The following WAPL variants were observed in gnomAD, a reference collection of about 807,000 sequenced individuals.
WAPL encodes WAPL cohesin release factor, also known as wings apart-like protein homolog.
WAPL carries 5 observed loss-of-function variants against 121.0 expected under a neutral mutation model. The ratio of observed to expected loss-of-function variants is 0.04; its 90% CI spans 0.02 to 0.09. WAPL has a LOEUF of 0.09. WAPL is among the 10% of genes least tolerant of loss of function. The pLI, the probability that WAPL is intolerant of heterozygous loss-of-function variation, is 1.00. For missense variants in WAPL, 999 were observed against 1,410.8 expected (o/e 0.71, Z 4.68); for synonymous variants, 480 against 481.5 (o/e 1.00, Z 0.04).
In WAPL at chr10:86,517,610, C is replaced by T. The variant is rs1414253100; in HGVS notation, c.460G>A (p.Asp154Asn). 1.2e-6 allele frequency: 2 copies of T among 1,613,212 alleles called. No homozygotes were observed. Among genetic ancestry groups the T allele is most frequent in the Non-Finnish European group, 1.7e-6 (2 of 1,179,572 alleles). Reference sequence around the variant, plus strand: ...TTATTACAGCTACTTATGCTTGCATCATCTTCTACAATTCGGTTTGTGCTC... The same window carrying T: ...TTATTACAGCTACTTATGCTTGCATTATCTTCTACAATTCGGTTTGTGCTC... ...EKSTNRIVED[D>N]ASISSCNKLI... is the part of the protein sequence containing the mutation. The change falls in exon 2 of 19, where the codon GAT (aspartate) becomes AAT (asparagine). Residue 154 changes from aspartate (D) to asparagine (N), a missense_variant. Asp to Asn is a conservative substitution (Grantham distance 23, BLOSUM62 1). Transcript: ENST00000298767.
chr10:86,491,136 C>CTT (rs34863367), intron 4 of WAPL, among the ~76,000 whole-genome samples: 5 of 102,776 alleles, frequency 4.9e-5, no homozygotes, highest in South Asian at 3.6e-4. Context: ...ACTCATGGTT[C>CTT]TTTTTTTTTT....
At chr10:86,476,709 C>G (rs1359746916) in intron 4 of WAPL, among the ~76,000 whole-genome samples, 1 of 148,538 alleles carries the variant, frequency 6.7e-6, no homozygotes, top group African/African-American at 2.5e-5. Context: ...AAAAAAAGTG[C>G]TTTGTAAGTA....
At chr10:86,446,090 G>C in intron 16 of WAPL, 152 bp downstream of exon 16, 1 of 786,006 alleles carries the variant, frequency 1.3e-6, no homozygotes, top group Non-Finnish European at 2.0e-6. Context: ...ACTACCACAA[G>C]CACTTAAGTA....
At chr10:86,451,291 T>C (rs1840970933) in intron 15 of WAPL, among the ~76,000 whole-genome samples, 1 of 152,116 alleles carries the variant, frequency 6.6e-6, no homozygotes, top group South Asian at 2.1e-4. Flanking sequence ...GTAACAATGC[T>C]TAAGGAGTGA....
In WAPL at chr10:86,500,647, G is replaced by A. The variant is rs767076043; in HGVS notation, c.596C>T (p.Thr199Ile). ...DSTKKPNAET[T>I]VASEIKETND... ...TGTTTCCTTGATTTCAGAAGCCACTGTAGTTTCTGCATTGGGTTTCTTAGT... is the reference window on the plus strand; with the variant it reads ...TGTTTCCTTGATTTCAGAAGCCACTATAGTTTCTGCATTGGGTTTCTTAGT... Residue 199 changes from threonine (T) to isoleucine (I), a missense_variant, in exon 3 of 19, where the codon ACA (threonine) becomes ATA (isoleucine). Transcript: ENST00000298767. The A allele has an allele frequency of 6.2e-7, 1 of 1,613,926 alleles. No homozygotes were observed. The highest frequency in any genetic ancestry group is 8.5e-7 in the Non-Finnish European group (1 of 1,179,990).
At chr10:86,493,569 G>A (rs1464945391) in intron 4 of WAPL, among the ~76,000 whole-genome samples, 5 of 152,026 alleles carry the variant, frequency 3.3e-5, no homozygotes, top group Admixed American at 3.3e-4. Context: ...TCACTCTGTT[G>A]TCCAGGCTCC....
chr10:86,508,644 T>C (rs906420699), intron 2 of WAPL, among the ~76,000 whole-genome samples: 2 of 152,174 alleles, frequency 1.3e-5, no homozygotes, highest in African/African-American at 4.8e-5. Context: ...TACTTTTACA[T>C]TGGCTTCTAT....
chr10:86,502,647 T>C (rs1842268310), intron 2 of WAPL, among the ~76,000 whole-genome samples: 2 of 152,182 alleles, frequency 1.3e-5, no homozygotes, highest in African/African-American at 2.4e-5. Flanking sequence ...TACTAGTCTA[T>C]ACACACAAAT....
intron 2 of WAPL, among the ~76,000 whole-genome samples, chr10:86,513,166 T>C (rs568434069): frequency 1.3e-5 from 2 of 152,158 alleles, no homozygotes; most frequent in South Asian, 2.1e-4. Flanking sequence ...CGCTAATTTT[T>C]TTGTATTTTT....
chr10:86,484,695 A>T (rs78298500), intron 4 of WAPL, among the ~76,000 whole-genome samples: 1 of 152,204 alleles, frequency 6.6e-6, no homozygotes, highest in African/African-American at 2.4e-5. Flanking sequence ...TAAGTGTCCT[A>T]TATAGGTGTA....
chr10:86,445,098 G>A (rs1050357888), intron 16 of WAPL, among the ~76,000 whole-genome samples: 3 of 152,000 alleles, frequency 2.0e-5, no homozygotes, highest in African/African-American at 7.3e-5. Flanking sequence ...GCATCCAAGG[G>A]GTATTGGTTC....
At chr10:86,448,349 G>T (rs542536561) in intron 15 of WAPL, among the ~76,000 whole-genome samples, 100 of 152,242 alleles carry the variant, frequency 6.6e-4, no homozygotes, top group Admixed American at 1.4e-3. Context: ...TACTTGGGAG[G>T]CTGAGGTGAA....
intron 2 of WAPL, among the ~76,000 whole-genome samples, chr10:86,506,339 A>T (rs935835400): frequency 2.2e-4 from 33 of 152,224 alleles, no homozygotes; most frequent in Admixed American, 3.9e-4. Flanking sequence ...TCTATTTCCT[A>T]ACTTAGGTAA....
chr10:86,456,016 T>A (rs1841137472), intron 12 of WAPL, among the ~76,000 whole-genome samples: 1 of 152,232 alleles, frequency 6.6e-6, no homozygotes, highest in Non-Finnish European at 1.5e-5. Flanking sequence ...TTTCTCTTCC[T>A]CTGGCCACAA....
At chr10:86,508,509 T>C (rs1411845596) in intron 2 of WAPL, among the ~76,000 whole-genome samples, 1 of 152,010 alleles carries the variant, frequency 6.6e-6, no homozygotes, top group Non-Finnish European at 1.5e-5. Context: ...TTGTAAACAC[T>C]TGTTACCCCC....
chr10:86,504,034 C>T (rs1842296232), intron 2 of WAPL, among the ~76,000 whole-genome samples: 2 of 152,028 alleles, frequency 1.3e-5, no homozygotes, highest in Non-Finnish European at 2.9e-5. Context: ...CCCAGCCAGG[C>T]GTGGTGGCAC....
At chr10:86,475,867 G>T (rs1841638936) in intron 4 of WAPL, among the ~76,000 whole-genome samples, 1 of 152,122 alleles carries the variant, frequency 6.6e-6, no homozygotes, top group Non-Finnish European at 1.5e-5. Context: ...CAAAGCTCAA[G>T]CATTTTACTT....
At chr10:86,487,383 C>T (rs560428008) in intron 4 of WAPL, among the ~76,000 whole-genome samples, 6 of 152,272 alleles carry the variant, frequency 3.9e-5, no homozygotes, top group Non-Finnish European at 8.8e-5. Flanking sequence ...GTAGTTAAAT[C>T]CAGGTATGTT....
At chr10:86,442,333 C>T (rs1849491066) in intron 17 of WAPL, among the ~76,000 whole-genome samples, 2 of 152,286 alleles carry the variant, frequency 1.3e-5, no homozygotes, top group South Asian at 4.1e-4. Flanking sequence ...TGCCCGGCCA[C>T]AAGAGCTTTT....
Sources: allele counts gnomAD v4.1 joint callset (sites outside exome capture counted in the v4.1 genomes callset), GRCh38; gene constraint gnomAD v4.1.1; transcripts MANE v1.5; gene names NCBI Gene and HGNC (gene_info 2026-07-23, HGNC 2026-07-21).